KCND2: variants seen among roughly 807,000 people sequenced by gnomAD.
KCND2 encodes the protein A-type voltage-gated potassium channel KCND2.
In KCND2, 16 loss-of-function variants were observed where a neutral mutation model predicts 54.4. That is an observed-to-expected ratio of 0.29 (90% CI 0.20 to 0.45). The LOEUF (loss-of-function observed/expected upper bound fraction) is 0.45. Among genes scored for constraint, KCND2 ranks in the 20% least tolerant of loss-of-function variants. KCND2 has a pLI of 1.00. For synonymous variants in KCND2, 317 were observed against 310.7 expected (o/e 1.02, Z -0.21); for missense variants, 486 against 824.2 (o/e 0.59, Z 5.02).
At chr7:120,641,764 T>A (rs1407302636) in intron 1 of KCND2, among the ~76,000 whole-genome samples, 1 of 151,080 alleles carries the variant, frequency 6.6e-6, no homozygotes, top group African/African-American at 2.4e-5. Flanking sequence ...CTTTTTTTTT[T>A]TTTTTTGCAC....
chr7:120,630,258 C>A (rs973065452), intron 1 of KCND2, among the ~76,000 whole-genome samples: 1 of 152,114 alleles, frequency 6.6e-6, no homozygotes, highest in African/African-American at 2.4e-5. Context: ...AGTAAAAATT[C>A]ATTAAAATTT....
At chr7:120,567,935 A>G (rs1338912266) in intron 1 of KCND2, among the ~76,000 whole-genome samples, 2 of 152,128 alleles carry the variant, frequency 1.3e-5, no homozygotes, top group Non-Finnish European at 2.9e-5. Flanking sequence ...TATACTTTGC[A>G]TCAATGATGC....
chr7:120,469,725 C>G (rs188461404), intron 1 of KCND2, among the ~76,000 whole-genome samples: 211 of 152,198 alleles, frequency 1.4e-3, no homozygotes, highest in Admixed American at 2.4e-3. Flanking sequence ...ACAAATTTCT[C>G]CCATCTTCCC....
chr7:120,506,789 A>G (rs1803028817), intron 1 of KCND2, among the ~76,000 whole-genome samples: 1 of 151,896 alleles, frequency 6.6e-6, no homozygotes, highest in African/African-American at 2.4e-5. Context: ...GAGATTTCTT[A>G]GTTGTAGCTA....
At chr7:120,538,074 T>C (rs921546576) in intron 1 of KCND2, among the ~76,000 whole-genome samples, 2 of 152,232 alleles carry the variant, frequency 1.3e-5, no homozygotes, top group Non-Finnish European at 2.9e-5. Context: ...AGCGGAATCA[T>C]TTCTAGCTTT....
At position 120,274,968 on chromosome 7, in the gene KCND2, C is replaced by T. The variant is rs774763376; in HGVS notation, c.336C>T (p.Ile112=). ...GKLHYPRHEC[I]SAYDEELAFF... Reference sequence around the variant, plus strand: ...TCCACTATCCTCGCCACGAGTGCATCTCTGCTTACGATGAAGAACTGGCCT... The same window carrying T: ...TCCACTATCCTCGCCACGAGTGCATTTCTGCTTACGATGAAGAACTGGCCT... The change falls in exon 1 of 6, where the codon ATC becomes ATT. Residue 112 remains isoleucine, a synonymous_variant. Transcript: ENST00000331113. The T allele has an allele frequency of 6.2e-7, 1 of 1,614,128 alleles. No homozygotes were observed. Among genetic ancestry groups the T allele is most frequent in the Non-Finnish European group, 8.5e-7 (1 of 1,180,042 alleles).
At chr7:120,688,009 AC>A (rs1792225718) in intron 1 of KCND2, among the ~76,000 whole-genome samples, 1 of 152,182 alleles carries the variant, frequency 6.6e-6, no homozygotes, top group Admixed American at 6.6e-5. Context: ...CTAAATCCCC[AC>A]TGCAACCTGG....
chr7:120,428,355 A>G (rs968064474), intron 1 of KCND2, among the ~76,000 whole-genome samples: 2 of 152,188 alleles, frequency 1.3e-5, no homozygotes, highest in Non-Finnish European at 2.9e-5. Context: ...TGCGAATACT[A>G]TGGAAACAGA....
At chr7:120,410,605 G>C in intron 1 of KCND2, among the ~76,000 whole-genome samples, 1 of 151,910 alleles carries the variant, frequency 6.6e-6, no homozygotes, top group East Asian at 1.9e-4. Flanking sequence ...GTGCAGGTTT[G>C]TTACATATGT....
At chr7:120,336,140 T>C (rs1252933973) in intron 1 of KCND2, among the ~76,000 whole-genome samples, 1 of 152,212 alleles carries the variant, frequency 6.6e-6, no homozygotes, top group Non-Finnish European at 1.5e-5. Flanking sequence ...TAGTCGGAAG[T>C]AACCAAACGC....
At chr7:120,312,638 C>T (rs1341661735) in intron 1 of KCND2, among the ~76,000 whole-genome samples, 1 of 152,162 alleles carries the variant, frequency 6.6e-6, no homozygotes, top group Non-Finnish European at 1.5e-5. Flanking sequence ...TACTTGAATT[C>T]TTCACTATTT....
At chr7:120,276,417 G>C (rs1456075847) in intron 1 of KCND2, among the ~76,000 whole-genome samples, 1 of 151,946 alleles carries the variant, frequency 6.6e-6, no homozygotes, top group Non-Finnish European at 1.5e-5. Flanking sequence ...TCAAGCTCTA[G>C]GTTCATAGTT....
chr7:120,411,110 G>A (rs988855086), intron 1 of KCND2, among the ~76,000 whole-genome samples: 1 of 151,886 alleles, frequency 6.6e-6, no homozygotes, highest in African/African-American at 2.4e-5. Context: ...AAATCAATGT[G>A]CAAAAGTCTT....
intron 2 of KCND2, among the ~76,000 whole-genome samples, chr7:120,740,635 G>T (rs1792928297): frequency 6.6e-6 from 1 of 152,096 alleles, no homozygotes; most frequent in African/African-American, 2.4e-5. Flanking sequence ...TACACAGCCA[G>T]ATCCTTAGTA....
intron 1 of KCND2, among the ~76,000 whole-genome samples, chr7:120,439,579 C>A (rs908116542): frequency 2.2e-4 from 34 of 152,154 alleles, no homozygotes; most frequent in African/African-American, 7.9e-4. Context: ...ACTTACCCTA[C>A]AGTGCTGTAG....
chr7:120,314,213 C>G (rs1226322623), intron 1 of KCND2, among the ~76,000 whole-genome samples: 1 of 151,196 alleles, frequency 6.6e-6, no homozygotes, highest in African/African-American at 2.4e-5. Flanking sequence ...TACTTTTGTA[C>G]AAAATGTATA....
At chr7:120,383,720 C>T (rs544273502) in intron 1 of KCND2, among the ~76,000 whole-genome samples, 3 of 152,184 alleles carry the variant, frequency 2.0e-5, no homozygotes, top group African/African-American at 7.2e-5. Flanking sequence ...ACTGGGTTAT[C>T]CCTTTATATC....
rs113926495 is a variant in KCND2, at chr7:120,733,511, G to C, written c.1278+446G>C. On this transcript the variant is annotated intron_variant, in intron 2 of 5. Transcript: ENST00000331113. ...CAGAAGCAGAAAATAAGAAATATTT[G>C]ACGAACAGCACTAATGACAGTAGCA... 1.9e-4 allele frequency among the ~76,000 whole-genome samples: 29 copies of C among 152,240 alleles called. 1 individual carries two copies. Among genetic ancestry groups the C allele is most frequent in the African/African-American group, 6.7e-4 (28 of 41,558 alleles).
chr7:120,434,957 G>C (rs1220670837), intron 1 of KCND2, among the ~76,000 whole-genome samples: 1 of 151,344 alleles, frequency 6.6e-6, no homozygotes, highest in Non-Finnish European at 1.5e-5. Flanking sequence ...AGGATTGGAA[G>C]ACTTGAAGAA....
Sources: allele counts gnomAD v4.1 joint callset (sites outside exome capture counted in the v4.1 genomes callset), GRCh38; gene constraint gnomAD v4.1.1; transcripts MANE v1.5; gene names NCBI Gene and HGNC (gene_info 2026-07-23, HGNC 2026-07-21).